Variants in PACRG observed in about 807,000 individuals in gnomAD.
PACRG encodes parkin coregulated gene protein.
Under a neutral mutation model 29.7 loss-of-function variants are expected in PACRG, and 29 were observed. The ratio of observed to expected loss-of-function variants is 0.98; its 90% confidence interval spans 0.73 to 1.33. PACRG has a LOEUF of 1.33. Ranked by LOEUF, PACRG falls within the 40% of genes most tolerant of loss-of-function variation. The pLI, the probability that PACRG is intolerant of heterozygous loss-of-function variation, is 0.00. For synonymous variants in PACRG, 116 were observed against 118.7 expected (o/e 0.98, Z 0.15); for missense variants, 279 against 316.2 (o/e 0.88, Z 0.89).
At chr6:163,017,993 A>T (rs1806263950) in intron 2 of PACRG, among the ~76,000 whole-genome samples, 1 of 152,068 alleles carries the variant, frequency 6.6e-6, no homozygotes, top group Non-Finnish European at 1.5e-5. Flanking sequence ...AGTCAAATAC[A>T]TTCTTGAGAG....
intron 4 of PACRG, among the ~76,000 whole-genome samples, chr6:163,137,836 G>A (rs1816998339): frequency 1.3e-5 from 2 of 152,242 alleles, no homozygotes; most frequent in African/African-American, 4.8e-5. Flanking sequence ...TGGCGCCACC[G>A]CGCACTGCCT....
intron 2 of PACRG, among the ~76,000 whole-genome samples, chr6:162,958,934 G>GAT (rs1800371187): frequency 4.5e-5 from 5 of 110,772 alleles, no homozygotes; most frequent in African/African-American, 1.9e-4. Context: ...GAGAGAGAGA[G>GAT]AGAGATGAAA....
At chr6:163,179,420 C>A (rs1171741470) in intron 4 of PACRG, 4 of 298,858 alleles carry the variant, frequency 1.3e-5, no homozygotes, top group East Asian at 1.7e-4. Context: ...AAACTTCTGG[C>A]AAATCGTGGT....
At chr6:163,009,586 G>A (rs1805431276) in intron 2 of PACRG, among the ~76,000 whole-genome samples, 1 of 152,118 alleles carries the variant, frequency 6.6e-6, no homozygotes, top group African/African-American at 2.4e-5. Flanking sequence ...ATCCTTTCCA[G>A]GATTTTTAAT....
intron 4 of PACRG, chr6:163,095,476 A>G (rs1814489816): frequency 1.1e-6 from 1 of 950,802 alleles, no homozygotes; most frequent in Non-Finnish European, 1.3e-6. Flanking sequence ...TACCATACAC[A>G]GAATGGCTTA....
intron 1 of PACRG, among the ~76,000 whole-genome samples, chr6:162,752,862 G>T (rs972687584): frequency 2.0e-5 from 3 of 152,108 alleles, no homozygotes; most frequent in Non-Finnish European, 4.4e-5. Context: ...TTGTATGCTA[G>T]CTCTTTGGAT....
chr6:163,273,527 T>C (rs1171364396), intron 4 of PACRG, among the ~76,000 whole-genome samples: 1 of 152,200 alleles, frequency 6.6e-6, no homozygotes, highest in Admixed American at 6.5e-5. Flanking sequence ...TTTTTAGATT[T>C]TCTGCCTCTT....
At chr6:163,197,650 CGTGTTAGCCAGGATT>C (rs1562959442) in intron 4 of PACRG, among the ~76,000 whole-genome samples, 1 of 151,702 alleles carries the variant, frequency 6.6e-6, no homozygotes, top group East Asian at 1.9e-4. Flanking sequence ...GGGGTTTCAC[CGTGTTAGCCAGGATT>C]GTCTCGATCT....
In PACRG at chr6:162,833,336, T is replaced by C. The variant is rs544833209; in HGVS notation, c.291+19055T>C. Among the ~76,000 whole-genome samples the C allele has an allele frequency of 9.2e-5, 14 of 152,310 alleles. No homozygotes were observed. The South Asian group carries it at 2.7e-3, about 29-fold the overall frequency. On this transcript the variant is annotated intron_variant, in intron 2 of 4. Coordinates refer to ENST00000366888, the MANE Select transcript of PACRG (RefSeq NM_001080379.2). The stretch of plus-strand genomic sequence containing the variant: ...AGATGACTTCAGTTTAATTTGGTTG[T>C]CTTTCTTCTAGTAACTGCCTCATTC...
chr6:162,955,281 T>A (rs901376243), intron 2 of PACRG, among the ~76,000 whole-genome samples: 1 of 151,986 alleles, frequency 6.6e-6, no homozygotes, highest in African/African-American at 2.4e-5. Flanking sequence ...CTATTTTTGT[T>A]GTTGTTGTTG....
At chr6:163,035,619 C>T (rs894875238) in intron 2 of PACRG, among the ~76,000 whole-genome samples, 2 of 151,600 alleles carry the variant, frequency 1.3e-5, no homozygotes, top group Admixed American at 1.3e-4. Flanking sequence ...GCACTCCAGC[C>T]TGGGCGACAG....
chr6:162,800,277 G>C (rs1275577288), intron 1 of PACRG, among the ~76,000 whole-genome samples: 1 of 152,106 alleles, frequency 6.6e-6, no homozygotes, highest in Non-Finnish European at 1.5e-5. Flanking sequence ...ATCTCATTTT[G>C]TTAAGAAAGG....
At chr6:163,030,747 A>G (rs1239200469) in intron 2 of PACRG, among the ~76,000 whole-genome samples, 1 of 152,186 alleles carries the variant, frequency 6.6e-6, no homozygotes, top group Non-Finnish European at 1.5e-5. Flanking sequence ...TCCCCCTTTC[A>G]GACCATATAG....
At chr6:162,727,654 C>T, upstream of PACRG, 2 of 1,585,290 alleles carry the variant, frequency 1.3e-6, no homozygotes, top group Non-Finnish European at 8.6e-7. Context: ...TGGCAGGTAC[C>T]CACGTACCTA....
chr6:163,054,676 CAG>C (rs1247472554), intron 2 of PACRG, among the ~76,000 whole-genome samples: 1 of 152,100 alleles, frequency 6.6e-6, no homozygotes, highest in African/African-American at 2.4e-5. Flanking sequence ...AAAGGGGAAA[CAG>C]GGACTCTCGC....
chr6:163,211,423 AT>A (rs1318844451), intron 4 of PACRG, among the ~76,000 whole-genome samples: 1 of 152,128 alleles, frequency 6.6e-6, no homozygotes, highest in Non-Finnish European at 1.5e-5. Context: ...TGATGAACAA[AT>A]TTTTTAAATT....
intron 3 of PACRG, among the ~76,000 whole-genome samples, chr6:163,079,990 C>T (rs888205512): frequency 2.0e-5 from 3 of 148,832 alleles, no homozygotes; most frequent in East Asian, 2.0e-4. Flanking sequence ...CTCTGCCTCC[C>T]GGGTGCATTC....
chr6:162,848,471 C>T (rs1584533099), intron 2 of PACRG, among the ~76,000 whole-genome samples: 2 of 152,158 alleles, frequency 1.3e-5, no homozygotes, highest in African/African-American at 2.4e-5. Context: ...CAGATGAAAT[C>T]GGATCCAGAA....
chr6:163,146,650 C>T (rs1396298925), intron 4 of PACRG, among the ~76,000 whole-genome samples: 2 of 152,164 alleles, frequency 1.3e-5, no homozygotes, highest in African/African-American at 4.8e-5. Context: ...TGTTAGCTTT[C>T]CATAATAGTA....
Sources: gnomAD v4.1 joint callset for allele counts (sites outside exome capture counted in the v4.1 genomes callset) on GRCh38, gnomAD v4.1.1 for gene constraint, MANE v1.5 for transcripts, NCBI Gene and HGNC (gene_info 2026-07-23, HGNC 2026-07-21) for gene names.